Variants in SPIRE1 observed in about 807,000 individuals in gnomAD.
The protein encoded by SPIRE1 is spire type actin nucleation factor 1, also known as protein spire homolog 1.
In SPIRE1, 40 loss-of-function variants were observed where a neutral mutation model predicts 94.1. The observed-to-expected ratio is 0.43, with a 90% CI of 0.33 to 0.55. The LOEUF is 0.55. Ranked by LOEUF, SPIRE1 falls within the 20% of genes least tolerant of loss-of-function variation. The pLI is 0.06. For synonymous variants in SPIRE1, 376 were observed against 371.7 expected, an observed-to-expected ratio of 1.01 and a Z score of -0.13; for missense variants, 838 against 975.2, an observed-to-expected ratio of 0.86 and a Z score of 1.87.
intron 1 of SPIRE1, among the ~76,000 whole-genome samples, chr18:12,642,106 C>CA (rs1334319924): frequency 6.6e-6 from 1 of 151,998 alleles, no homozygotes; most frequent in Non-Finnish European, 1.5e-5. Context: ...GGATTTGATA[C>CA]AAAAAACAGT....
intron 10 of SPIRE1, among the ~76,000 whole-genome samples, chr18:12,467,897 T>C (rs2143650770): frequency 6.6e-6 from 1 of 151,526 alleles, no homozygotes; most frequent in East Asian, 1.9e-4. Flanking sequence ...TGCGGTGAGC[T>C]GAGATCATGC....
Position 12,640,205 on chromosome 18 carries a change from C to G in SPIRE1, c.338-5109G>C, listed in dbSNP as rs577499321. Reference sequence around the variant, plus strand: ...ACATTATCAATATGATTCAAACTAGCTGAATAAGCAAAAGGCAAACTATAC... The same window carrying G: ...ACATTATCAATATGATTCAAACTAGGTGAATAAGCAAAAGGCAAACTATAC... On this transcript the variant is annotated intron_variant, in intron 1 of 16. Transcript: ENST00000409402. 9.9e-5 allele frequency among the ~76,000 whole-genome samples: 15 copies of G among 152,262 alleles called. No individual in the cohort carries two copies. The South Asian group carries it at 3.1e-3, about 32-fold the overall frequency.
rs374503098 is a variant in SPIRE1, at chr18:12,621,361, T to C, written c.372+13701A>G. Among the ~76,000 whole-genome samples, 58 of 152,334 alleles carry C rather than the reference T, an allele frequency of 3.8e-4. 1 individual carries two copies. The South Asian group carries it at 0.011, about 28-fold the overall frequency. On this transcript the variant is annotated intron_variant, in intron 2 of 16. Coordinates refer to ENST00000409402, the MANE Select transcript of SPIRE1 (RefSeq NM_001128626.2). ...GAGTTACCAGTTTACTCAGAAATTC[T>C]TCTCTTAGGTATATATCCAAGAAAA...
At chr18:12,634,759 A>G (rs2037876723) in intron 2 of SPIRE1, among the ~76,000 whole-genome samples, 2 of 152,180 alleles carry the variant, frequency 1.3e-5, no homozygotes, top group South Asian at 4.1e-4. Context: ...ACATGGTGAA[A>G]CCCCGTCTCT....
chr18:12,452,558 G>A lies in SPIRE1; in HGVS notation c.1848-46C>T, dbSNP rs371745661. ...GTTATTTGGCATGATACCAGGGGAC[G>A]CAACTGGGAGTTAGAGAAGCCTATG... On this transcript the variant is annotated intron_variant, in intron 14 of 16. Transcript: ENST00000409402. 1.1e-5 allele frequency: 18 copies of A among 1,599,676 alleles called. No homozygotes were observed. In the African/African-American group the frequency reaches 2.0e-4, roughly 18 times the overall value.
At chr18:12,479,129 A>ATG (rs1183592323) in intron 10 of SPIRE1, among the ~76,000 whole-genome samples, 1 of 148,342 alleles carries the variant, frequency 6.7e-6, no homozygotes, top group African/African-American at 2.5e-5. Flanking sequence ...AAGACTACAT[A>ATG]TATGTGTGTG....
chr18:12,624,584 A>C (rs561068881), intron 2 of SPIRE1, among the ~76,000 whole-genome samples: 1 of 149,448 alleles, frequency 6.7e-6, no homozygotes, highest in African/African-American at 2.5e-5. Context: ...ATTGTAAAGT[A>C]CTGGGAGGTG....
chr18:12,558,785 T>G (rs1210536117), intron 2 of SPIRE1, among the ~76,000 whole-genome samples: 1 of 152,128 alleles, frequency 6.6e-6, no homozygotes, highest in African/African-American at 2.4e-5. Context: ...GGCTGATTGG[T>G]GCATTTACAA....
chr18:12,481,810 G>C (rs1220586999), intron 9 of SPIRE1, among the ~76,000 whole-genome samples: 1 of 152,106 alleles, frequency 6.6e-6, no homozygotes, highest in African/African-American at 2.4e-5. Flanking sequence ...GGAGATAAGA[G>C]AAATAGAATT....
At chr18:12,467,487 G>C (rs967537700) in intron 10 of SPIRE1, among the ~76,000 whole-genome samples, 1 of 152,144 alleles carries the variant, frequency 6.6e-6, no homozygotes, top group East Asian at 1.9e-4. Context: ...TAAAAGCAGA[G>C]AGTGTCTCTT....
intron 16 of SPIRE1, chr18:12,451,072 G>GAAA: frequency 3.7e-6 from 1 of 271,716 alleles, no homozygotes; most frequent in Non-Finnish European, 6.9e-6. Context: ...CTGTCCATTT[G>GAAA]AAAAAAAAAA....
intron 2 of SPIRE1, among the ~76,000 whole-genome samples, chr18:12,556,358 C>G (rs956890647): frequency 6.6e-6 from 1 of 152,096 alleles, no homozygotes; most frequent in African/African-American, 2.4e-5. Context: ...CCAAAGGTAT[C>G]CTAAGCAAAA....
chr18:12,645,885 G>A (rs1014453421), intron 1 of SPIRE1, among the ~76,000 whole-genome samples: 3 of 151,868 alleles, frequency 2.0e-5, no homozygotes, highest in Non-Finnish European at 4.4e-5. Context: ...TTCTGACTCC[G>A]ACTCCCACAC....
At chr18:12,506,153 A>C (rs2033824147) in intron 6 of SPIRE1, among the ~76,000 whole-genome samples, 1 of 151,916 alleles carries the variant, frequency 6.6e-6, no homozygotes, top group Admixed American at 6.6e-5. Flanking sequence ...GAGTCCATTA[A>C]TAGTTTTTTG....
intron 2 of SPIRE1, chr18:12,588,538 A>G (rs2036446248): frequency 6.7e-6 from 1 of 150,374 alleles, no homozygotes. Context: ...ACCAAAGGTT[A>G]TCTCTTCTGT....
intron 1 of SPIRE1, among the ~76,000 whole-genome samples, chr18:12,638,209 C>T (rs1157568467): frequency 6.6e-6 from 1 of 152,114 alleles, no homozygotes; most frequent in Non-Finnish European, 1.5e-5. Context: ...CTTTGGGAGG[C>T]TGAGGTGGGA....
intron 1 of SPIRE1, chr18:12,636,253 A>C (rs1157279160): frequency 6.6e-6 from 1 of 150,414 alleles, no homozygotes; most frequent in Non-Finnish European, 1.5e-5. Context: ...AAATTCAAAT[A>C]TGCATTTAGC....
chr18:12,496,209 T>C (rs1221146332), intron 6 of SPIRE1, 107 bp from the exon 7 acceptor site: 4 of 700,476 alleles, frequency 5.7e-6, no homozygotes, highest in Non-Finnish European at 1.0e-5. Flanking sequence ...TGAAGTGTAA[T>C]TACCAAGGAT....
chr18:12,605,696 C>T (rs926933583), intron 2 of SPIRE1, among the ~76,000 whole-genome samples: 1 of 152,098 alleles, frequency 6.6e-6, no homozygotes, highest in African/African-American at 2.4e-5. Flanking sequence ...ATAACACAGT[C>T]ATATTATCTG....
Sources: allele counts gnomAD v4.1 joint callset (sites outside exome capture counted in the v4.1 genomes callset), GRCh38; gene constraint gnomAD v4.1.1; transcripts MANE v1.5; gene names NCBI Gene and HGNC (gene_info 2026-07-23, HGNC 2026-07-21).